Variants in METAP1 observed in about 807,000 individuals in gnomAD.
METAP1 encodes the protein methionine aminopeptidase 1.
A neutral mutation model predicts 53.8 loss-of-function variants in METAP1; 28 were observed. The observed-to-expected ratio is 0.52, with a 90% confidence interval of 0.39 to 0.71. METAP1 has a LOEUF of 0.71. Among genes scored for constraint, METAP1 ranks in the 30% least tolerant of loss-of-function variants. The pLI is 0.00. For synonymous variants in METAP1, 181 were observed against 165.7 expected (o/e 1.09, Z -0.71); for missense variants, 389 against 479.8 (o/e 0.81, Z 1.77).
chr4:99,031,458 T>G, intron 2 of METAP1: 1 of 1,283,912 alleles, frequency 7.8e-7, no homozygotes, highest in Non-Finnish European at 1.0e-6. Flanking sequence ...ATACTTTTCC[T>G]TCCACTCCCC....
At chr4:98,995,966 C>T (rs981346753) in intron 1 of METAP1, 99 bp downstream of exon 1, 11 of 939,444 alleles carry the variant, frequency 1.2e-5, no homozygotes, top group Admixed American at 4.3e-5. Flanking sequence ...TCGGGACGCG[C>T]TCCTCCTCTT....
At chr4:99,039,296 C>A in intron 4 of METAP1, 78 bp from the exon 5 acceptor site, 1 of 815,982 alleles carries the variant, frequency 1.2e-6, no homozygotes, top group Non-Finnish European at 2.0e-6. Flanking sequence ...TGTTTTTATG[C>A]CACAGGTTTA....
At chr4:99,045,127 A>G (rs1726127180) in intron 7 of METAP1, 52 bp from the exon 8 acceptor site, 6 of 1,567,914 alleles carry the variant, frequency 3.8e-6, no homozygotes, top group Non-Finnish European at 5.2e-6. Context: ...AAAACACTTG[A>G]ATTTTGAAAT....
intron 8 of METAP1, among the ~76,000 whole-genome samples, chr4:99,047,452 C>T (rs1386202832): frequency 6.6e-6 from 1 of 152,100 alleles, no homozygotes; most frequent in Non-Finnish European, 1.5e-5. Flanking sequence ...TGTTCCCCCT[C>T]CCACCCCAGG....
At chr4:99,013,174 A>G (rs1723569923) in intron 1 of METAP1, among the ~76,000 whole-genome samples, 1 of 152,028 alleles carries the variant, frequency 6.6e-6, no homozygotes, top group African/African-American at 2.4e-5. Context: ...TAACTTACCT[A>G]TTTTTTTAAA....
intron 1 of METAP1, among the ~76,000 whole-genome samples, chr4:99,005,501 G>A (rs942408636): frequency 3.9e-5 from 6 of 152,192 alleles, no homozygotes; most frequent in Non-Finnish European, 7.3e-5. Context: ...GCATGGATGT[G>A]ATGAAAAGGG....
In METAP1 at chr4:99,027,004, T is replaced by TA. The variant is rs528621289; in HGVS notation, c.115-1858dup. ...AGAATAATTCTATCAGCCCTCTTGT[T>TA]AAAAAGCTAAGAATTTGATGAATGT... On this transcript the variant is annotated intron_variant, in intron 1 of 10. Transcript: ENST00000296411. The TA allele has an allele frequency of 2.6e-4, 85 of 330,548 alleles. 3 individuals carry two copies. In the South Asian group the frequency reaches 9.7e-3, roughly 38 times the overall value. 20.5% of individuals were successfully genotyped at this position (330,548 alleles called of 1,614,324 possible). A position where few individuals can be genotyped will look rare whatever the true frequency, so the allele number is the denominator to read the frequency against.
rs117938799 is a variant in METAP1, at chr4:99,057,208, C to T, written c.932-545C>T. ...TAGGTTAATGTGCATAGATTTTGTTCTTCTTTGAAGATGAGAAAAACACAA... is the reference window on the plus strand; with the variant it reads ...TAGGTTAATGTGCATAGATTTTGTTTTTCTTTGAAGATGAGAAAAACACAA... On this transcript the variant is annotated intron_variant, in intron 9 of 10. Transcript: ENST00000296411. Among the ~76,000 whole-genome samples the T allele has an allele frequency of 8.9e-4, 135 of 152,278 alleles. 3 individuals carry two copies. In the East Asian group the frequency reaches 0.024, roughly 27 times the overall value.
intron 6 of METAP1, 71 bp downstream of exon 6, chr4:99,041,197 T>C: frequency 1.9e-6 from 2 of 1,068,358 alleles, no homozygotes; most frequent in Non-Finnish European, 1.3e-6. Flanking sequence ...AAACATTAAG[T>C]AGATTTAAGT....
chr4:99,015,653 T>C (rs887372193), intron 1 of METAP1, among the ~76,000 whole-genome samples: 4 of 152,190 alleles, frequency 2.6e-5, no homozygotes, highest in South Asian at 2.1e-4. Flanking sequence ...TTGGCTTTAA[T>C]TGATCGCATC....
chr4:99,028,003 C>G (rs1241736749), intron 1 of METAP1, among the ~76,000 whole-genome samples: 1 of 151,738 alleles, frequency 6.6e-6, no homozygotes, highest in Non-Finnish European at 1.5e-5. Context: ...TCTTCTTGTC[C>G]GTGTCTTACT....
chr4:98,996,208 C>T (rs893050471), intron 1 of METAP1, among the ~76,000 whole-genome samples: 4 of 152,138 alleles, frequency 2.6e-5, no homozygotes, highest in African/African-American at 7.2e-5. Context: ...GCCAGGTGTG[C>T]GGGCTGCCGG....
intron 1 of METAP1, among the ~76,000 whole-genome samples, chr4:99,007,220 G>A (rs1033308867): frequency 2.0e-5 from 3 of 152,058 alleles, no homozygotes; most frequent in Non-Finnish European, 4.4e-5. Context: ...GCCTCCCAAA[G>A]TACTGGGATT....
chr4:99,021,098 C>T (rs1579265675), intron 1 of METAP1, among the ~76,000 whole-genome samples: 1 of 152,288 alleles, frequency 6.6e-6, no homozygotes, highest in African/African-American at 2.4e-5. Flanking sequence ...TTAGCCTTCC[C>T]CTTTTTAGTG....
intron 3 of METAP1, among the ~76,000 whole-genome samples, chr4:99,035,161 A>G (rs1020960064): frequency 6.6e-6 from 1 of 152,208 alleles, no homozygotes; most frequent in African/African-American, 2.4e-5. Context: ...TCTTGTTATT[A>G]GTCTCTGTCT....
At chr4:99,007,776 C>A (rs754450543) in intron 1 of METAP1, among the ~76,000 whole-genome samples, 4 of 152,166 alleles carry the variant, frequency 2.6e-5, no homozygotes, top group Non-Finnish European at 5.9e-5. Context: ...TTTAAAGTGG[C>A]TTCTATATCC....
intron 1 of METAP1, chr4:99,026,784 G>C: frequency 4.1e-6 from 4 of 985,344 alleles, no homozygotes; most frequent in Non-Finnish European, 4.8e-6. Flanking sequence ...GGAATATTTT[G>C]ACACCATTAA....
intron 1 of METAP1, among the ~76,000 whole-genome samples, chr4:99,025,840 T>A (rs528694930): frequency 6.6e-6 from 1 of 152,332 alleles, no homozygotes; most frequent in South Asian, 2.1e-4. Flanking sequence ...ACCTGGAGGC[T>A]TCATCTGCAT....
In METAP1 at chr4:99,023,135, G is replaced by A. The variant is rs1724268463; in HGVS notation, c.115-5732G>A. 14 of 841,478 alleles carry A rather than the reference G, an allele frequency of 1.7e-5. No homozygotes were observed. In the South Asian group the frequency reaches 2.0e-4, roughly 12 times the overall value. 52.1% of individuals were successfully genotyped at this position (841,478 alleles called of 1,614,324 possible). A position where few individuals can be genotyped will look rare whatever the true frequency, so the allele number is the denominator to read the frequency against. ...TCTCCGATTCCTCTGCCTCCGTGTT[G>A]ACTGACACGAGCAGCACGACCTAAT... On this transcript the variant is annotated intron_variant, in intron 1 of 10. Transcript: ENST00000296411.
Sources: allele counts gnomAD v4.1 joint callset (sites outside exome capture counted in the v4.1 genomes callset), GRCh38; gene constraint gnomAD v4.1.1; transcripts MANE v1.5; gene names NCBI Gene and HGNC (gene_info 2026-07-23, HGNC 2026-07-21).